The following HEMK2 variants were observed in gnomAD, a reference collection of about 807,000 sequenced individuals.
HEMK2 encodes the protein HemK methyltransferase 2, ETF1 glutamine and histone H4 lysine.
At chr21:28,882,234 G>A in the HEMK2 span, 26 of 1,610,980 alleles carry the variant, frequency 1.6e-5, no homozygotes, top group South Asian at 2.8e-4. Context: ...GCTGCCTCAG[G>A]GTTGATATCA....
the HEMK2 span, among the ~76,000 whole-genome samples, chr21:28,585,018 C>A: frequency 1.3e-5 from 2 of 152,124 alleles, no homozygotes; most frequent in African/African-American, 4.8e-5. Flanking sequence ...TCTACTCAAG[C>A]CTCACAGGAC....
chr21:28,835,488 T>C, the HEMK2 span, among the ~76,000 whole-genome samples: 1 of 152,028 alleles, frequency 6.6e-6, no homozygotes, highest in African/African-American at 2.4e-5. Flanking sequence ...ACCTGAACAA[T>C]AGCCTTCAGT....
At chr21:28,703,787 T>C in the HEMK2 span, among the ~76,000 whole-genome samples, 1 of 152,180 alleles carries the variant, frequency 6.6e-6, no homozygotes, top group Non-Finnish European at 1.5e-5. Flanking sequence ...AGTACATTCG[T>C]CCCGTGTAAA....
the HEMK2 span, among the ~76,000 whole-genome samples, chr21:28,884,065 T>C: frequency 1.3e-5 from 2 of 152,182 alleles, no homozygotes; most frequent in African/African-American, 4.8e-5. Context: ...TATTAGGTGG[T>C]AGTAAGGTCT....
At chr21:28,738,624 A>G in the HEMK2 span, among the ~76,000 whole-genome samples, 2 of 152,202 alleles carry the variant, frequency 1.3e-5, no homozygotes, top group African/African-American at 4.8e-5. Flanking sequence ...CCCACGGAGA[A>G]GCCAGGACCC....
At chr21:28,585,648 G>A in the HEMK2 span, among the ~76,000 whole-genome samples, 1 of 152,130 alleles carries the variant, frequency 6.6e-6, no homozygotes, top group African/African-American at 2.4e-5. Context: ...AAATTAGTGA[G>A]TTGGATGACA....
the HEMK2 span, among the ~76,000 whole-genome samples, chr21:28,731,374 G>A: frequency 3.3e-5 from 5 of 151,982 alleles, no homozygotes; most frequent in Admixed American, 3.3e-4. Flanking sequence ...ATAATTATAC[G>A]TCCCATACTC....
the HEMK2 span, among the ~76,000 whole-genome samples, chr21:28,820,255 C>T: frequency 6.6e-6 from 1 of 152,116 alleles, no homozygotes; most frequent in East Asian, 1.9e-4. Context: ...TTGTTTTCCT[C>T]CCCTACCTCT....
chr21:28,632,385 T>C, the HEMK2 span, among the ~76,000 whole-genome samples: 1 of 152,218 alleles, frequency 6.6e-6, no homozygotes, highest in Non-Finnish European at 1.5e-5. Context: ...CTATGTCACA[T>C]GTTTTTATCA....
chr21:28,740,076 C>T, the HEMK2 span, among the ~76,000 whole-genome samples: 2 of 152,166 alleles, frequency 1.3e-5, no homozygotes, highest in East Asian at 1.9e-4. Context: ...CCTTGATATG[C>T]GTTTTACACA....
the HEMK2 span, among the ~76,000 whole-genome samples, chr21:28,741,806 T>A: frequency 6.6e-6 from 1 of 152,232 alleles, no homozygotes; most frequent in African/African-American, 2.4e-5. Context: ...CTATCATTGA[T>A]GGGCATTTAG....
the HEMK2 span, among the ~76,000 whole-genome samples, chr21:28,730,156 T>A: frequency 6.6e-6 from 1 of 151,830 alleles, no homozygotes; most frequent in South Asian, 2.1e-4. Context: ...GGCGGGAGGA[T>A]CACTTGAGTC....
chr21:28,662,909 T>C, the HEMK2 span, among the ~76,000 whole-genome samples: 1 of 152,124 alleles, frequency 6.6e-6, no homozygotes, highest in African/African-American at 2.4e-5. Context: ...TCTTATCTGT[T>C]TCTCCATTCT....
the HEMK2 span, among the ~76,000 whole-genome samples, chr21:28,731,104 G>A: frequency 6.6e-6 from 1 of 152,174 alleles, no homozygotes; most frequent in Non-Finnish European, 1.5e-5. Flanking sequence ...AGGAAGTGGT[G>A]GAGAGAGGCT....
chr21:28,600,537 G>A, the HEMK2 span, among the ~76,000 whole-genome samples: 2,706 of 152,252 alleles, frequency 0.018, 103 homozygotes, highest in African/African-American at 0.063. Flanking sequence ...TGATGATAAG[G>A]GCTGTCTCAA....
At chr21:28,586,148 A>T in the HEMK2 span, among the ~76,000 whole-genome samples, 1 of 152,230 alleles carries the variant, frequency 6.6e-6, no homozygotes, top group South Asian at 2.1e-4. Flanking sequence ...GCGATGTTTG[A>T]ATTTCTAAAC....
chr21:28,778,229 G>A, the HEMK2 span, among the ~76,000 whole-genome samples: 1 of 152,130 alleles, frequency 6.6e-6, no homozygotes, highest in Non-Finnish European at 1.5e-5. Context: ...TTAACCTTTA[G>A]GGGTTGGCTT....
chr21:28,586,721 GT>G, the HEMK2 span, among the ~76,000 whole-genome samples: 1 of 152,226 alleles, frequency 6.6e-6, no homozygotes, highest in East Asian at 1.9e-4. Flanking sequence ...GAAATTTCTT[GT>G]TTACAGTTCT....
At chr21:28,712,631 A>G in the HEMK2 span, among the ~76,000 whole-genome samples, 81 of 152,318 alleles carry the variant, frequency 5.3e-4, no homozygotes, top group Middle Eastern at 0.014. Context: ...GGGGCAATAG[A>G]GAAGCCATGA....
Sources: gnomAD v4.1 joint callset for allele counts (sites outside exome capture counted in the v4.1 genomes callset) on GRCh38, gnomAD v4.1.1 for gene constraint, MANE v1.5 for transcripts, NCBI Gene and HGNC (gene_info 2026-07-23, HGNC 2026-07-21) for gene names.